CYREN: variants seen among roughly 807,000 people sequenced by gnomAD.
The protein encoded by CYREN is cell cycle regulator of non-homologous end joining.
A neutral mutation model predicts 9.7 loss-of-function variants in CYREN; 7 were observed. The ratio of observed to expected loss-of-function variants is 0.72; its 90% CI spans 0.41 to 1.36. The LOEUF is 1.36. Ranked by LOEUF, CYREN falls within the 40% of genes most tolerant of loss-of-function variation. The probability of loss-of-function intolerance (pLI) is 0.01; values close to 1 mark genes in which losing one functional copy is unlikely to be tolerated. For missense variants in CYREN, 215 were observed against 198.1 expected (o/e 1.09, Z -0.51); for synonymous variants, 76 against 77.9 (o/e 0.98, Z 0.13).
intron 2 of CYREN, among the ~76,000 whole-genome samples, chr7:135,144,697 C>T (rs2117404443): frequency 6.6e-6 from 1 of 151,950 alleles, no homozygotes; most frequent in African/African-American, 2.4e-5. Flanking sequence ...AGGTGAATCC[C>T]TTGAGCCCAG....
intron 2 of CYREN, chr7:135,134,771 G>A: frequency 7.5e-7 from 1 of 1,331,048 alleles, no homozygotes; most frequent in Non-Finnish European, 1.0e-6. Flanking sequence ...TTTATACTAT[G>A]ACAACATACC....
intron 2 of CYREN, among the ~76,000 whole-genome samples, chr7:135,123,636 C>T (rs1221158112): frequency 6.6e-6 from 1 of 152,056 alleles, no homozygotes; most frequent in Non-Finnish European, 1.5e-5. Flanking sequence ...TTAAGGGCAG[C>T]CAGAGAGAAA....
downstream of CYREN, among the ~76,000 whole-genome samples, chr7:135,163,292 A>T (rs59678052): frequency 6.6e-6 from 1 of 152,380 alleles, no homozygotes; most frequent in African/African-American, 2.4e-5. Context: ...TAGAATATTA[A>T]CAGTGGTTTT....
rs778972409 is a variant in CYREN at position 135,166,802 on chromosome 7, G to A, written c.283C>T (p.Pro95Ser). ...CTTGTGTGAGGCGACACGGAGCAGG[G>A]AGGGGAGTGCTCTGGGTTATCAGCC... ...AGADNPEHSPPCSVSPHTSSG... is the reference protein window; with the variant it reads ...AGADNPEHSPSCSVSPHTSSG... Residue 95 changes from proline (P) to serine (S), a missense_variant, in exon 4 of 4, where the codon CCC (proline) becomes TCC (serine). Physicochemically the swap from Pro to Ser is moderately conservative, Grantham distance 74. Coordinates refer to ENST00000393114, the MANE Select transcript of CYREN (RefSeq NM_024033.4). 1.1e-5 allele frequency: 17 copies of A among 1,614,114 alleles called. No individual in the cohort carries two copies. The East Asian group carries it at 3.1e-4, about 30-fold the overall frequency.
At chr7:135,157,364 G>A (rs77370835) in intron 2 of CYREN, among the ~76,000 whole-genome samples, 15,354 of 152,290 alleles carry the variant, frequency 0.1, 1,013 homozygotes, top group Middle Eastern at 0.2. Context: ...TTCCTCAGTG[G>A]GATAGAGTAT....
intron 2 of CYREN, among the ~76,000 whole-genome samples, chr7:135,150,878 C>T (rs968127533): frequency 1.3e-5 from 2 of 152,178 alleles, no homozygotes; most frequent in African/African-American, 4.8e-5. Context: ...ATTAAGATGG[C>T]TCATTTGTAG....
intron 2 of CYREN, among the ~76,000 whole-genome samples, chr7:135,144,938 T>TAAAAAAAAAAAAAAAA (rs58443282): frequency 1.3e-4 from 6 of 45,622 alleles, no homozygotes; most frequent in African/African-American, 1.9e-4. Context: ...CTCAAAAGAG[T>TAAAAAAAAAAAAAAAA]AAAAAAAAAA....
chr7:135,161,305 A>C (rs1266913355), downstream of CYREN, among the ~76,000 whole-genome samples: 1 of 152,374 alleles, frequency 6.6e-6, no homozygotes, highest in East Asian at 1.9e-4. This position sits in a 1 kb window ranked among gnomAD's most constrained non-coding sequence, Gnocchi z 4.1. Flanking sequence ...ATTTTTAAAA[A>C]GGCAGCTGTT....
At chr7:135,121,585 T>C (rs2117245949) in intron 2 of CYREN, among the ~76,000 whole-genome samples, 1 of 149,160 alleles carries the variant, frequency 6.7e-6, no homozygotes, top group South Asian at 2.1e-4. Flanking sequence ...ATTTGGAAAC[T>C]AAATAACACA....
intron 3 of CYREN, chr7:135,167,371 G>A (rs922440851): frequency 1.8e-6 from 2 of 1,114,898 alleles, no homozygotes; most frequent in African/African-American, 3.3e-5. Flanking sequence ...GCTCAGGAGA[G>A]GGGCAATGGC....
upstream of CYREN, among the ~76,000 whole-genome samples, chr7:135,172,320 T>G (rs945449779): frequency 6.1e-4 from 93 of 152,348 alleles, no homozygotes; most frequent in African/African-American, 2.2e-3. Context: ...CTGGATACTT[T>G]GGTTTTGGTT....
At chr7:135,119,460 A>C (rs901821834) in intron 2 of CYREN, among the ~76,000 whole-genome samples, 1 of 151,768 alleles carries the variant, frequency 6.6e-6, no homozygotes, top group Non-Finnish European at 1.5e-5. Flanking sequence ...CGAACTCCTG[A>C]CCTCAAGTGA....
chr7:135,115,631 T>A (rs754445096), intron 2 of CYREN: 1 of 1,498,342 alleles, frequency 6.7e-7, no homozygotes, highest in Non-Finnish European at 9.1e-7. Flanking sequence ...TACAATTTTA[T>A]CACTCTTATC....
intron 2 of CYREN, among the ~76,000 whole-genome samples, chr7:135,104,527 C>T (rs542130084): frequency 6.6e-6 from 1 of 152,106 alleles, no homozygotes; most frequent in African/African-American, 2.4e-5. Context: ...AATGGTTGAA[C>T]TAATCTACAC....
chr7:135,166,754 C>T lies in CYREN; in HGVS notation c.331G>A (p.Glu111Lys), dbSNP rs1034490910. ...GCCAGTGCCTGTTTCCCACTGTCCT[C>T]TTCCTCACTGCTGCTCCCAGAACTT... Reference protein sequence around the residue: ...HTSSGSSSEEEDSGKQALAPG... With the variant: ...HTSSGSSSEEKDSGKQALAPG... The change falls in exon 4 of 4, where the codon GAG (glutamate) becomes AAG (lysine). Residue 111 changes from glutamate (E) to lysine (K), a missense_variant. Transcript: ENST00000393114. The T allele has an allele frequency of 2.5e-6, 4 of 1,614,038 alleles. No homozygotes were observed. In the African/African-American group the frequency reaches 5.3e-5, roughly 22 times the overall value.
chr7:135,109,884 G>A lies in CYREN; in HGVS notation n.357-15302C>T, dbSNP rs549801440. 5.3e-5 allele frequency among the ~76,000 whole-genome samples: 8 copies of A among 152,318 alleles called. No homozygotes were observed. In the East Asian group the frequency reaches 9.6e-4, roughly 18 times the overall value. ...CAAAGACGGTGGCCCATCCTTTCTC[G>A]TGGAAGCTCTATACCAGGGAGGCTC... On this transcript the variant is annotated intron_variant and non_coding_transcript_variant, in intron 2 of 2. Transcript: ENST00000459937.
chr7:135,167,729 T>A lies in CYREN; in HGVS notation c.213+3A>T. On this transcript the variant is annotated splice_donor_region_variant and intron_variant, in intron 3 of 3. Coordinates refer to ENST00000393114, the MANE Select transcript of CYREN (RefSeq NM_024033.4). ...CATGAGTAAGAGGCTTGTCTGACTT[T>A]ACCTCAATCAGGATTCCCAGAGCAA... 1 of 1,614,126 alleles carries A rather than the reference T, an allele frequency of 6.2e-7. No individual in the cohort carries two copies. Among genetic ancestry groups the A allele is most frequent in the Non-Finnish European group, 8.5e-7 (1 of 1,180,010 alleles).
downstream of CYREN, among the ~76,000 whole-genome samples, chr7:135,164,206 C>T (rs1195934541): frequency 6.6e-6 from 1 of 152,224 alleles, no homozygotes; most frequent in Non-Finnish European, 1.5e-5. Context: ...GAGACTTTTC[C>T]TCCTGACCTC....
chr7:135,106,740 G>A (rs1415528314), intron 2 of CYREN, among the ~76,000 whole-genome samples: 3 of 152,150 alleles, frequency 2.0e-5, no homozygotes, highest in African/African-American at 7.2e-5. Flanking sequence ...AATGAGTTGG[G>A]GAGGAGTCCC....
Sources: gnomAD v4.1 joint callset for allele counts (sites outside exome capture counted in the v4.1 genomes callset) on GRCh38, gnomAD v4.1.1 for gene constraint, Gnocchi (gnomAD v3.1) non-coding constraint, MANE v1.5 for transcripts, NCBI Gene and HGNC (gene_info 2026-07-23, HGNC 2026-07-21) for gene names.